The following CYTH3 variants were observed in gnomAD, a reference collection of about 807,000 sequenced individuals.
CYTH3 encodes the protein cytohesin-3.
In CYTH3, 23 loss-of-function variants were observed where a neutral mutation model predicts 55.1. The ratio of observed to expected loss-of-function variants is 0.42; its 90% CI spans 0.30 to 0.59. The LOEUF (loss-of-function observed/expected upper bound fraction) is 0.59, where lower values mean the gene tolerates loss of function less well. Among genes scored for constraint, CYTH3 ranks in the 20% least tolerant of loss-of-function variants. The pLI is 0.20. For missense variants in CYTH3, 413 were observed against 524.8 expected (o/e 0.79, Z 2.08); for synonymous variants, 249 against 194.9 (o/e 1.28, Z -2.31).
chr7:6,187,771 C>T, intron 2 of CYTH3, 50 bp from the exon 3 acceptor site: 1 of 1,480,154 alleles, frequency 6.8e-7, no homozygotes, highest in Non-Finnish European at 9.4e-7. Context: ...TAACCTTCCT[C>T]CCCTGAGACT....
In CYTH3 at chr7:6,167,576, A is replaced by G. The variant is rs1783050048; in HGVS notation, c.824-1766T>C. Among the ~76,000 whole-genome samples the G allele has an allele frequency of 6.6e-6, 1 of 152,200 alleles. No homozygotes were observed. The highest frequency in any genetic ancestry group is 6.5e-5 in the Admixed American group (1 of 15,286). On this transcript the variant is annotated intron_variant, in intron 9 of 12. Coordinates refer to ENST00000350796, the MANE Select transcript of CYTH3 (RefSeq NM_004227.4). The surrounding 1 kb of genome is among the most constrained non-coding windows in gnomAD (Gnocchi z 5.5). Reference sequence around the variant, plus strand: ...GCATCTTTTCAAAAACGTGGCAATCATGCCCCTCCGGCTTGAAGCCCCCCA... The same window carrying G: ...GCATCTTTTCAAAAACGTGGCAATCGTGCCCCTCCGGCTTGAAGCCCCCCA...
chr7:6,223,583 T>C (rs1270314080), intron 1 of CYTH3, among the ~76,000 whole-genome samples: 1 of 152,068 alleles, frequency 6.6e-6, no homozygotes, highest in Non-Finnish European at 1.5e-5. Flanking sequence ...CAGGGTTAAA[T>C]GGATTAAGAG....
At chr7:6,218,720 C>T (rs1784479601) in intron 1 of CYTH3, among the ~76,000 whole-genome samples, 2 of 151,982 alleles carry the variant, frequency 1.3e-5, no homozygotes, top group Non-Finnish European at 2.9e-5. Context: ...AAAAACTGTG[C>T]CACTTGCCAG....
intron 4 of CYTH3, among the ~76,000 whole-genome samples, chr7:6,186,713 C>A (rs372795433): frequency 6.6e-6 from 1 of 152,176 alleles, no homozygotes; most frequent in Non-Finnish European, 1.5e-5. Flanking sequence ...CCAGGTCAAG[C>A]GGGAAGATGC....
chr7:6,183,731 C>T (rs375355108), intron 4 of CYTH3, among the ~76,000 whole-genome samples: 1 of 152,100 alleles, frequency 6.6e-6, no homozygotes, highest in Non-Finnish European at 1.5e-5. Context: ...ACGAAATGTC[C>T]GTGTCCCCCC....
At chr7:6,205,115 T>C (rs557300196) in intron 1 of CYTH3, among the ~76,000 whole-genome samples, 1 of 151,982 alleles carries the variant, frequency 6.6e-6, no homozygotes, top group African/African-American at 2.4e-5. Context: ...CAGTGAGCCA[T>C]GATCATGCCA....
At chr7:6,227,516 C>A (rs1193302696) in intron 1 of CYTH3, among the ~76,000 whole-genome samples, 1 of 152,150 alleles carries the variant, frequency 6.6e-6, no homozygotes, top group Non-Finnish European at 1.5e-5. Context: ...GGACCTCTGG[C>A]AGAAACCTAC....
chr7:6,216,164 G>A (rs1784419885), intron 1 of CYTH3, among the ~76,000 whole-genome samples: 2 of 152,032 alleles, frequency 1.3e-5, no homozygotes, highest in African/African-American at 4.8e-5. Flanking sequence ...TCTCCTCTTG[G>A]GTTTTCTCAA....
In CYTH3 at chr7:6,170,771, C is replaced by T; in HGVS notation, c.711+59G>A. On this transcript the variant is annotated intron_variant, in intron 8 of 12. Transcript: ENST00000350796. The surrounding 1 kb of genome is among the most constrained non-coding windows in gnomAD (Gnocchi z 7.8). ...GGCGTGTCTAGAGCCGCGGGCGCTGCGGCCGCTCACAGCGAAGAGATCCTG... is the reference window on the plus strand; with the variant it reads ...GGCGTGTCTAGAGCCGCGGGCGCTGTGGCCGCTCACAGCGAAGAGATCCTG... 2.5e-6 allele frequency: 4 copies of T among 1,573,768 alleles called. No homozygotes were observed. The South Asian group carries it at 3.5e-5, about 14-fold the overall frequency.
At chr7:6,221,126 C>A (rs945959292) in intron 1 of CYTH3, among the ~76,000 whole-genome samples, 1 of 152,078 alleles carries the variant, frequency 6.6e-6, no homozygotes, top group African/African-American at 2.4e-5. Flanking sequence ...CAACTTTACT[C>A]GTAATATCCT....
At chr7:6,190,585 A>T in intron 1 of CYTH3, 54 bp from the exon 2 acceptor site, 1 of 1,412,676 alleles carries the variant, frequency 7.1e-7, no homozygotes, top group Non-Finnish European at 9.4e-7. Context: ...GGCAACATCC[A>T]GCAAGGTTGA....
chr7:6,184,492 A>C (rs1783588224), intron 4 of CYTH3, among the ~76,000 whole-genome samples: 1 of 152,224 alleles, frequency 6.6e-6, no homozygotes, highest in South Asian at 2.1e-4. Flanking sequence ...AAGACAGTCA[A>C]GAGCCTGACA....
chr7:6,179,172 A>T (rs1027241067), intron 4 of CYTH3, among the ~76,000 whole-genome samples: 2 of 152,214 alleles, frequency 1.3e-5, no homozygotes, highest in African/African-American at 4.8e-5. Flanking sequence ...TTCTGGCATA[A>T]TCACATGATG....
At chr7:6,166,355 C>T (rs534058248) in intron 9 of CYTH3, among the ~76,000 whole-genome samples, 4 of 152,374 alleles carry the variant, frequency 2.6e-5, no homozygotes, top group Admixed American at 6.5e-5. Context: ...TCCTTAAACA[C>T]TGAGCAGAGA....
chr7:6,227,738 G>A (rs1161041864), intron 1 of CYTH3, among the ~76,000 whole-genome samples: 1 of 152,210 alleles, frequency 6.6e-6, no homozygotes, highest in African/African-American at 2.4e-5. Flanking sequence ...CACCCAAACG[G>A]GTTGTCAAAT....
intron 1 of CYTH3, among the ~76,000 whole-genome samples, chr7:6,229,336 C>T (rs1204923881): frequency 1.3e-5 from 2 of 152,148 alleles, no homozygotes; most frequent in African/African-American, 2.4e-5. Context: ...TTATACTTCA[C>T]TGATATCAGG....
chr7:6,193,562 A>G (rs1783853216), intron 1 of CYTH3, among the ~76,000 whole-genome samples: 1 of 152,326 alleles, frequency 6.6e-6, no homozygotes, highest in African/African-American at 2.4e-5. Context: ...CAAACTTTGA[A>G]GCCCACAGTG....
At chr7:6,172,378 C>G (rs1783223313) in intron 6 of CYTH3, among the ~76,000 whole-genome samples, 1 of 151,866 alleles carries the variant, frequency 6.6e-6, no homozygotes, top group African/African-American at 2.4e-5. Context: ...AACACAACCA[C>G]CCCTCCTCCA....
intron 1 of CYTH3, among the ~76,000 whole-genome samples, chr7:6,251,792 G>T (rs370227035): frequency 9.9e-5 from 15 of 152,178 alleles, no homozygotes; most frequent in East Asian, 5.8e-4. Flanking sequence ...AATCTACAAA[G>T]AATAACTCAG....
Sources: allele counts gnomAD v4.1 joint callset (sites outside exome capture counted in the v4.1 genomes callset), GRCh38; gene constraint gnomAD v4.1.1; non-coding constraint Gnocchi (gnomAD v3.1); transcripts MANE v1.5; gene names NCBI Gene and HGNC (gene_info 2026-07-23, HGNC 2026-07-21).